LYPLA1: variants seen among roughly 807,000 people sequenced by gnomAD.
LYPLA1 encodes the protein lysophospholipase 1.
Under a neutral mutation model 34.0 loss-of-function variants are expected in LYPLA1, and 17 were observed. The ratio of observed to expected loss-of-function variants is 0.50; its 90% CI spans 0.34 to 0.75. The LOEUF (loss-of-function observed/expected upper bound fraction) is 0.75. Among genes scored for constraint, LYPLA1 ranks in the 30% least tolerant of loss-of-function variants. The pLI, the probability that LYPLA1 is intolerant of heterozygous loss-of-function variation, is 0.01. For missense variants in LYPLA1, 203 were observed against 288.8 expected (o/e 0.70, Z 2.15); for synonymous variants, 98 against 100.8 (o/e 0.97, Z 0.17).
intron 2 of LYPLA1, among the ~76,000 whole-genome samples, chr8:54,084,476 CAA>C (rs1808559081): frequency 6.6e-6 from 1 of 151,616 alleles, no homozygotes; most frequent in African/African-American, 2.4e-5. Flanking sequence ...GAGGCTGAGA[CAA>C]GAGAATTGCT....
intron 5 of LYPLA1, among the ~76,000 whole-genome samples, chr8:54,055,766 C>T (rs1806165243): frequency 6.6e-6 from 1 of 151,940 alleles, no homozygotes; most frequent in Non-Finnish European, 1.5e-5. Context: ...GCCTCAGCCT[C>T]CCAAGTAGCT....
chr8:54,087,531 A>C (rs1334395919), intron 2 of LYPLA1, among the ~76,000 whole-genome samples: 1 of 152,230 alleles, frequency 6.6e-6, no homozygotes, highest in African/African-American at 2.4e-5. Flanking sequence ...AATCATCAGG[A>C]TGAAAAACTG....
chr8:54,064,810 A>C (rs573273574), intron 3 of LYPLA1, among the ~76,000 whole-genome samples: 2 of 152,328 alleles, frequency 1.3e-5, no homozygotes, highest in South Asian at 4.1e-4. Flanking sequence ...ACACATAAAA[A>C]TACATTAACA....
chr8:54,085,048 C>A (rs939014798), intron 2 of LYPLA1, among the ~76,000 whole-genome samples: 3 of 152,168 alleles, frequency 2.0e-5, no homozygotes, highest in African/African-American at 7.2e-5. Context: ...CCTCTGATGC[C>A]GAGACGAGGC....
intron 5 of LYPLA1, among the ~76,000 whole-genome samples, chr8:54,060,975 G>A (rs1055832281): frequency 1.3e-5 from 2 of 152,000 alleles, no homozygotes; most frequent in South Asian, 2.1e-4. Context: ...GGTTACAGGC[G>A]TGAGCCACCG....
intron 2 of LYPLA1, among the ~76,000 whole-genome samples, chr8:54,079,087 C>T (rs994725657): frequency 4.6e-5 from 7 of 152,082 alleles, no homozygotes; most frequent in African/African-American, 7.2e-5. Flanking sequence ...AAGCAATTCT[C>T]GTGCCTTAGC....
chr8:54,087,885 C>T (rs561623825), intron 2 of LYPLA1, among the ~76,000 whole-genome samples: 8 of 152,216 alleles, frequency 5.3e-5, no homozygotes, highest in African/African-American at 1.7e-4. Flanking sequence ...GAGAGTACAC[C>T]GAACAAAGGA....
In LYPLA1 at chr8:54,047,978, T is replaced by C. The variant is rs192519511; in HGVS notation, c.*87A>G. On this transcript the variant is annotated 3_prime_UTR_variant, in exon 9 of 9. Transcript: ENST00000316963. ...AAAACATTTTAACACTGCAAAACAT[T>C]AGAAATTTGAAGACTGGGCATGGGA... 6.8e-6 allele frequency: 6 copies of C among 881,600 alleles called. No homozygotes were observed. The highest frequency in any genetic ancestry group is 3.4e-5 in the African/African-American group (2 of 59,532). 54.6% of individuals were successfully genotyped at this position (881,600 alleles called of 1,614,324 possible).
At chr8:54,075,299 A>G (rs1807805205) in intron 2 of LYPLA1, among the ~76,000 whole-genome samples, 1 of 152,248 alleles carries the variant, frequency 6.6e-6, no homozygotes, top group African/African-American at 2.4e-5. Flanking sequence ...AGGTAAAATA[A>G]TAATTTGGGG....
At chr8:54,086,438 T>TAAAA (rs768755796) in intron 2 of LYPLA1, among the ~76,000 whole-genome samples, 4 of 34,690 alleles carry the variant, frequency 1.2e-4, no homozygotes, top group Non-Finnish European at 2.1e-4. Context: ...CTAAAAAAAT[T>TAAAA]AAAAAAAAAA....
intron 2 of LYPLA1, among the ~76,000 whole-genome samples, chr8:54,079,450 A>T (rs1255458852): frequency 6.6e-6 from 1 of 152,142 alleles, no homozygotes; most frequent in African/African-American, 2.4e-5. Context: ...ATTACCAAGC[A>T]ATTAAGGCAC....
intron 2 of LYPLA1, among the ~76,000 whole-genome samples, chr8:54,097,632 G>A (rs1809789727): frequency 6.6e-6 from 1 of 152,080 alleles, no homozygotes; most frequent in South Asian, 2.1e-4. Context: ...CCACAGTTTT[G>A]TTTTCCATGG....
At chr8:54,085,221 C>T (rs1309389198) in intron 2 of LYPLA1, among the ~76,000 whole-genome samples, 5 of 152,244 alleles carry the variant, frequency 3.3e-5, no homozygotes, top group Non-Finnish European at 4.4e-5. Context: ...CTCCTGACCG[C>T]GAGTGATCTG....
chr8:54,064,540 A>G (rs1392608859), intron 3 of LYPLA1, among the ~76,000 whole-genome samples: 1 of 152,226 alleles, frequency 6.6e-6, no homozygotes, highest in Non-Finnish European at 1.5e-5. Flanking sequence ...ATTTCAGGAT[A>G]AAAAGAGGAA....
chr8:54,060,120 A>ATT, intron 5 of LYPLA1, among the ~76,000 whole-genome samples: 2 of 129,228 alleles, frequency 1.5e-5, no homozygotes, highest in South Asian at 5.6e-4. Context: ...GCACCTGTGC[A>ATT]TTTCTTTCTT....
intron 2 of LYPLA1, among the ~76,000 whole-genome samples, chr8:54,069,989 T>C (rs1227555621): frequency 6.6e-6 from 1 of 152,152 alleles, no homozygotes; most frequent in Non-Finnish European, 1.5e-5. Flanking sequence ...TGACAAATAA[T>C]AGCCAAGTGT....
chr8:54,101,586 C>T (rs1810159943), intron 1 of LYPLA1, 169 bp downstream of exon 1: 2 of 1,152,546 alleles, frequency 1.7e-6, no homozygotes, highest in Non-Finnish European at 2.1e-6. Flanking sequence ...CCCCGGCTGC[C>T]CCCGCCCCCC....
chr8:54,064,860 A>T (rs1806932684), intron 3 of LYPLA1, among the ~76,000 whole-genome samples: 1 of 152,152 alleles, frequency 6.6e-6, no homozygotes, highest in South Asian at 2.1e-4. Flanking sequence ...AATAATATTT[A>T]AAAATCGCAA....
rs756472111 is a variant in LYPLA1 at position 54,047,214 on chromosome 8, T to C, written c.*851A>G. On this transcript the variant is annotated 3_prime_UTR_variant, in exon 9 of 9. Coordinates refer to ENST00000316963, the MANE Select transcript of LYPLA1 (RefSeq NM_006330.4). ...TAGCTAGGTGTAAATTTGGATAAGG[T>C]ACAGTAATTCGAAATAAGTAGTGCA... 4 of 152,180 alleles carry C rather than the reference T, an allele frequency of 2.6e-5. No individual in the cohort carries two copies. The highest frequency in any genetic ancestry group is 6.5e-5 in the Admixed American group (1 of 15,286). 9.4% of individuals were successfully genotyped at this position (152,180 alleles called of 1,614,324 possible).
Sources: allele counts gnomAD v4.1 joint callset (sites outside exome capture counted in the v4.1 genomes callset), GRCh38; gene constraint gnomAD v4.1.1; transcripts MANE v1.5; gene names NCBI Gene and HGNC (gene_info 2026-07-23, HGNC 2026-07-21).